The following NECAB1 variants were observed in gnomAD, a reference collection of about 807,000 sequenced individuals.
NECAB1 encodes the protein N-terminal EF-hand calcium binding protein 1.
NECAB1 carries 29 observed loss-of-function variants against 57.5 expected under a neutral mutation model. The observed-to-expected ratio is 0.50, with a 90% confidence interval of 0.38 to 0.69. NECAB1 has a LOEUF of 0.69. Among genes scored for constraint, NECAB1 ranks in the 30% least tolerant of loss-of-function variants. NECAB1 has a pLI of 0.00. For missense variants in NECAB1, 372 were observed against 413.8 expected, an observed-to-expected ratio of 0.90 and a Z score of 0.88; for synonymous variants, 142 against 147.7, an observed-to-expected ratio of 0.96 and a Z score of 0.28.
chr8:90,931,862 C>G (rs1810414384), intron 8 of NECAB1, among the ~76,000 whole-genome samples: 1 of 151,966 alleles, frequency 6.6e-6, no homozygotes, highest in African/African-American at 2.4e-5. Flanking sequence ...CGAGATCGTG[C>G]CACTTCACTC....
intron 2 of NECAB1, among the ~76,000 whole-genome samples, chr8:90,803,304 A>G (rs1452012817): frequency 6.6e-6 from 1 of 152,098 alleles, no homozygotes; most frequent in African/African-American, 2.4e-5. Context: ...CTGGTGTACA[A>G]TTGAATAGCC....
intron 5 of NECAB1, among the ~76,000 whole-genome samples, chr8:90,892,690 A>C (rs529057333): frequency 4.5e-4 from 69 of 152,350 alleles, no homozygotes; most frequent in African/African-American, 1.7e-3. Context: ...CACATGAGGC[A>C]GAGCCTCCTT....
At chr8:90,841,386 G>T (rs1417846297) in intron 3 of NECAB1, among the ~76,000 whole-genome samples, 1 of 152,200 alleles carries the variant, frequency 6.6e-6, no homozygotes, top group Non-Finnish European at 1.5e-5. Context: ...AAGAGGCTTA[G>T]AAATGTGCAC....
chr8:90,950,052 G>A (rs1180194258), intron 11 of NECAB1, among the ~76,000 whole-genome samples, 168 bp downstream of exon 11: 1 of 152,108 alleles, frequency 6.6e-6, no homozygotes, highest in Non-Finnish European at 1.5e-5. Context: ...GTATTTAATA[G>A]CTTAGAAACC....
At chr8:90,801,848 G>A (rs572085573) in intron 2 of NECAB1, 133 bp downstream of exon 2, 110 of 576,798 alleles carry the variant, frequency 1.9e-4, no homozygotes, top group African/African-American at 9.3e-4. Flanking sequence ...ACTAGTGATC[G>A]TTTTAGATAA....
chr8:90,864,277 GA>G (rs573188608), intron 3 of NECAB1, among the ~76,000 whole-genome samples: 42 of 118,044 alleles, frequency 3.6e-4, no homozygotes, highest in East Asian at 8.1e-4. Flanking sequence ...AACTCTGGTG[GA>G]AAAAAAAAAC....
chr8:90,850,221 T>G (rs1164239229), intron 3 of NECAB1, among the ~76,000 whole-genome samples: 1 of 152,198 alleles, frequency 6.6e-6, no homozygotes, highest in Non-Finnish European at 1.5e-5. Flanking sequence ...AATTACTTGT[T>G]TAATTTTAAG....
chr8:90,938,634 G>C (rs1009570190), intron 9 of NECAB1, among the ~76,000 whole-genome samples: 1 of 152,130 alleles, frequency 6.6e-6, no homozygotes, highest in Non-Finnish European at 1.5e-5. Flanking sequence ...GATTATCTGG[G>C]GCTCTTTAAA....
chr8:90,936,923 C>A (rs1357112871), intron 9 of NECAB1, among the ~76,000 whole-genome samples: 1 of 151,894 alleles, frequency 6.6e-6, no homozygotes, highest in Non-Finnish European at 1.5e-5. Context: ...ATATAAGTAC[C>A]ACTATTCTAA....
intron 1 of NECAB1, among the ~76,000 whole-genome samples, chr8:90,792,956 G>C (rs1811600436): frequency 6.6e-6 from 1 of 152,068 alleles, no homozygotes; most frequent in African/African-American, 2.4e-5. Flanking sequence ...CTATCTCAGT[G>C]GGGACAATTC....
intron 5 of NECAB1, among the ~76,000 whole-genome samples, chr8:90,902,544 C>T (rs1345233035): frequency 6.6e-6 from 1 of 152,086 alleles, no homozygotes; most frequent in East Asian, 1.9e-4. Context: ...ATAACACACA[C>T]ATAAATTATA....
At chr8:90,919,978 T>C (rs1169798006) in intron 6 of NECAB1, among the ~76,000 whole-genome samples, 1 of 152,212 alleles carries the variant, frequency 6.6e-6, no homozygotes, top group African/African-American at 2.4e-5. Flanking sequence ...GGCCACAGGC[T>C]AGCCTTGAAC....
At chr8:90,893,461 T>C (rs1187302708) in intron 5 of NECAB1, among the ~76,000 whole-genome samples, 1 of 152,160 alleles carries the variant, frequency 6.6e-6, no homozygotes, top group Non-Finnish European at 1.5e-5. Context: ...CTGATGATCA[T>C]GAATCAATCA....
At chr8:90,907,141 TGTGTGTGTGTGAGA>T (rs1390852226) in intron 5 of NECAB1, among the ~76,000 whole-genome samples, 3,364 of 126,748 alleles carry the variant, frequency 0.027, 44 homozygotes, top group Middle Eastern at 0.054. Flanking sequence ...TGTGTGTGTG[TGTGTGTGTGTGAGA>T]GAGAGAGAGA....
At chr8:90,943,955 T>C (rs1810737563) in intron 10 of NECAB1, among the ~76,000 whole-genome samples, 1 of 152,148 alleles carries the variant, frequency 6.6e-6, no homozygotes, top group Admixed American at 6.5e-5. Flanking sequence ...TTATGCCATG[T>C]TGCCCTGGCT....
At chr8:90,875,338 G>A (rs948066180) in intron 4 of NECAB1, among the ~76,000 whole-genome samples, 6 of 150,988 alleles carry the variant, frequency 4.0e-5, no homozygotes, top group African/African-American at 9.8e-5. Context: ...AAAATTAGCC[G>A]GGCGCGGTGG....
intron 3 of NECAB1, among the ~76,000 whole-genome samples, chr8:90,858,603 A>C (rs1812838326): frequency 6.6e-6 from 1 of 151,406 alleles, no homozygotes; most frequent in African/African-American, 2.5e-5. Flanking sequence ...CAATACAAGA[A>C]AAAAAAATTC....
At chr8:90,954,840 C>T (rs1199525959) in intron 12 of NECAB1, among the ~76,000 whole-genome samples, 1 of 147,250 alleles carries the variant, frequency 6.8e-6, no homozygotes, top group Non-Finnish European at 1.5e-5. Context: ...ACATAAGCTG[C>T]ATATATTTAT....
chr8:90,931,733 A>G (rs1040923083), intron 8 of NECAB1, among the ~76,000 whole-genome samples: 5 of 151,986 alleles, frequency 3.3e-5, no homozygotes, highest in Non-Finnish European at 5.9e-5. Flanking sequence ...GCAAAACCCC[A>G]TCTCTACTAA....
Sources: gnomAD v4.1 joint callset for allele counts (sites outside exome capture counted in the v4.1 genomes callset) on GRCh38, gnomAD v4.1.1 for gene constraint, MANE v1.5 for transcripts, NCBI Gene and HGNC (gene_info 2026-07-23, HGNC 2026-07-21) for gene names.